Variants in KLHL6 observed in about 807,000 individuals in gnomAD.
KLHL6 encodes the protein kelch like family member 6.
In KLHL6, 41 loss-of-function variants were observed where a neutral mutation model predicts 58.6. The observed-to-expected ratio is 0.70, with a 90% CI of 0.55 to 0.91. KLHL6 has a LOEUF of 0.91. KLHL6 is among the 40% of genes least tolerant of loss of function. The pLI is 0.00. For synonymous variants in KLHL6, 338 were observed against 322.7 expected (o/e 1.05, Z -0.51); for missense variants, 714 against 805.6 (o/e 0.89, Z 1.38).
At chr3:183,545,794 G>A (rs1339496721) in intron 1 of KLHL6, among the ~76,000 whole-genome samples, 2 of 152,182 alleles carry the variant, frequency 1.3e-5, no homozygotes, top group Non-Finnish European at 2.9e-5. Flanking sequence ...AATATTCTGA[G>A]GCATTTTGGA....
chr3:183,499,461 T>G lies in KLHL6; in HGVS notation c.1147+129A>C. The G allele has an allele frequency of 1.5e-6, 1 of 658,258 alleles. No homozygotes were observed. Among genetic ancestry groups the G allele is most frequent in the East Asian group, 2.7e-5 (1 of 36,768 alleles). The allele number at this position is 658,258 out of a possible 1,614,324, so 40.8% of individuals were successfully genotyped here. A position where few individuals can be genotyped will look rare whatever the true frequency, so the allele number is the denominator to read the frequency against. ...GACCACCTGAGCTCCTGGGTCCATA[T>G]CCTGTCTCAGTCAGAGCCGGATCAT... On this transcript the variant is annotated intron_variant, in intron 4 of 6. Transcript: ENST00000341319. This position sits in a 1 kb window ranked among gnomAD's most constrained non-coding sequence, Gnocchi z 4.6.
intron 1 of KLHL6, among the ~76,000 whole-genome samples, chr3:183,529,285 T>C (rs1370746697): frequency 6.6e-6 from 1 of 151,902 alleles, no homozygotes; most frequent in African/African-American, 2.4e-5. Flanking sequence ...TAAATACCCC[T>C]GAACTTAAAA....
intron 1 of KLHL6, among the ~76,000 whole-genome samples, chr3:183,553,721 C>A (rs1713011975): frequency 6.6e-6 from 1 of 152,164 alleles, no homozygotes; most frequent in African/African-American, 2.4e-5. Flanking sequence ...CAGAACATAC[C>A]CAGTCCCTGC....
intron 4 of KLHL6, among the ~76,000 whole-genome samples, chr3:183,496,912 C>A (rs1272624791): frequency 6.6e-6 from 1 of 152,068 alleles, no homozygotes; most frequent in South Asian, 2.1e-4. Flanking sequence ...CTGAGGTGGG[C>A]GGATCACCTG....
chr3:183,542,855 CATGGATGGATGGATGG>C lies in KLHL6; in HGVS notation c.293+12490_293+12505del, dbSNP rs10581731. On this transcript the variant is annotated intron_variant, in intron 1 of 6. Coordinates refer to ENST00000341319, the MANE Select transcript of KLHL6 (RefSeq NM_130446.4). The stretch of plus-strand genomic sequence containing the variant: ...TAAATTTGTGTCAAATGGATGGATA[CATGGATGGATGGATGG>C]ATGGATGGATGGATGGATGGATGGA... Among the ~76,000 whole-genome samples the C allele has an allele frequency of 0.013, 1,892 of 143,148 alleles. 110 individuals are homozygous for C. In the East Asian group the frequency reaches 0.19, roughly 14 times the overall value. The allele number at this position is 143,148 out of a possible 152,430, so 93.9% of individuals were successfully genotyped here. A position where few individuals can be genotyped will look rare whatever the true frequency, so the allele number is the denominator to read the frequency against.
chr3:183,524,903 C>T (rs1326098072), intron 2 of KLHL6, among the ~76,000 whole-genome samples: 4 of 152,208 alleles, frequency 2.6e-5, no homozygotes, highest in Non-Finnish European at 4.4e-5. Context: ...CTACCTATAA[C>T]CCTGAGTTAA....
intron 1 of KLHL6, among the ~76,000 whole-genome samples, chr3:183,554,824 T>G (rs1357690521): frequency 1.3e-5 from 2 of 152,236 alleles, no homozygotes; most frequent in Non-Finnish European, 2.9e-5. Context: ...AGCATTGCTT[T>G]TAAATGATGC....
chr3:183,492,837 A>G lies in KLHL6; in HGVS notation c.1351-130T>C. 1 of 761,134 alleles carries G rather than the reference A, an allele frequency of 1.3e-6. No homozygotes were observed. The highest frequency in any genetic ancestry group is 1.8e-5 in the South Asian group (1 of 56,556). 47.1% of individuals were successfully genotyped at this position (761,134 alleles called of 1,614,324 possible). On this transcript the variant is annotated intron_variant, in intron 5 of 6. Coordinates refer to ENST00000341319, the MANE Select transcript of KLHL6 (RefSeq NM_130446.4). This position sits in a 1 kb window ranked among gnomAD's most constrained non-coding sequence, Gnocchi z 5.9. ...TCTTTTGCCTATAGTCACAAGGCCC[A>G]TGGGCTTGACTCCTCTTAAGACACA...
chr3:183,524,885 AC>A (rs899433399), intron 2 of KLHL6, among the ~76,000 whole-genome samples: 7 of 152,210 alleles, frequency 4.6e-5, no homozygotes, highest in African/African-American at 1.4e-4. Flanking sequence ...TCACTGGCAC[AC>A]TTTTCTCTAC....
Position 183,514,757 on chromosome 3 carries a change from C to T in KLHL6, c.460-6249G>A, listed in dbSNP as rs923946470. ...GATCTCGGCTCATTGCATCTTCTGCCTCCCAGGTTCAAGTGATTCTCCTGC... is the reference window on the plus strand; with the variant it reads ...GATCTCGGCTCATTGCATCTTCTGCTTCCCAGGTTCAAGTGATTCTCCTGC... On this transcript the variant is annotated intron_variant, in intron 2 of 6. Coordinates refer to ENST00000341319, the MANE Select transcript of KLHL6 (RefSeq NM_130446.4). 3.9e-5 allele frequency among the ~76,000 whole-genome samples: 6 copies of T among 152,074 alleles called. No individual in the cohort carries two copies. The South Asian group carries it at 1.2e-3, about 32-fold the overall frequency.
chr3:183,493,544 G>A (rs1482384463), intron 5 of KLHL6: 2 of 154,742 alleles, frequency 1.3e-5, no homozygotes, highest in South Asian at 2.0e-4. Context: ...GAGATGAGGT[G>A]GCTTTTCTTT....
rs1717817182 is a variant in KLHL6, at chr3:183,499,695, G to A, written c.1042C>T (p.Leu348=). 2 of 1,610,868 alleles carry A rather than the reference G, an allele frequency of 1.2e-6. No homozygotes were observed. The highest frequency in any genetic ancestry group is 1.7e-5 in the Admixed American group (1 of 59,282). The change falls in exon 4 of 7, where the codon CTG becomes TTG. Residue 348 remains leucine, a synonymous_variant. Coordinates refer to ENST00000341319, the MANE Select transcript of KLHL6 (RefSeq NM_130446.4). This position sits in a 1 kb window ranked among gnomAD's most constrained non-coding sequence, Gnocchi z 4.6. Reference sequence around the variant, plus strand: ...GTTAGCGGGAGCTTGGCCACCTCCAGGCGGCTGCGCCTCAGGGGGTCCAGG... The same window carrying A: ...GTTAGCGGGAGCTTGGCCACCTCCAAGCGGCTGCGCCTCAGGGGGTCCAGG... ...TCLDPLRRSR[L]EVAKLPLTEH...
chr3:183,511,698 A>C (rs1718190834), intron 2 of KLHL6, among the ~76,000 whole-genome samples: 1 of 152,172 alleles, frequency 6.6e-6, no homozygotes, highest in South Asian at 2.1e-4. Context: ...ACTGCCTGTA[A>C]ACATTTTGTT....
At chr3:183,523,312 C>T (rs578059548) in intron 2 of KLHL6, among the ~76,000 whole-genome samples, 59 of 152,338 alleles carry the variant, frequency 3.9e-4, no homozygotes, top group African/African-American at 1.4e-3. Context: ...TAGCCTCATG[C>T]GCATTCATCC....
chr3:183,536,490 G>T (rs1712371229), intron 1 of KLHL6, among the ~76,000 whole-genome samples: 1 of 152,222 alleles, frequency 6.6e-6, no homozygotes, highest in South Asian at 2.1e-4. Context: ...CTGGCTGTTG[G>T]CAGGCAGAGG....
intron 1 of KLHL6, among the ~76,000 whole-genome samples, chr3:183,547,118 G>A (rs996329872): frequency 6.6e-6 from 1 of 152,060 alleles, no homozygotes; most frequent in Non-Finnish European, 1.5e-5. Context: ...TCACCATGTT[G>A]GCCAGGCTGG....
rs752403740 is a variant in KLHL6, at chr3:183,499,726, C to A, written c.1011G>T (p.Val337=). The part of the protein sequence containing the change: ...CTKDERFVAE[V]TCLDPLRRSR... ...TGCGCCTCAGGGGGTCCAGGCAGGT[C>A]ACCTCTGCCACAAACCGTTCATCCT... Residue 337 remains valine (V), a synonymous_variant, in exon 4 of 7, where the codon GTG becomes GTT. Transcript: ENST00000341319. The surrounding 1 kb of genome is among the most constrained non-coding windows in gnomAD (Gnocchi z 4.6). The A allele has an allele frequency of 1.1e-5, 17 of 1,611,154 alleles. No homozygotes were observed. Among genetic ancestry groups the A allele is most frequent in the Non-Finnish European group, 1.4e-5 (17 of 1,178,946 alleles).
At chr3:183,509,664 A>G (rs1718122454) in intron 2 of KLHL6, among the ~76,000 whole-genome samples, 1 of 152,174 alleles carries the variant, frequency 6.6e-6, no homozygotes, top group Non-Finnish European at 1.5e-5. Flanking sequence ...CCCATGACAG[A>G]AGGGGAAAAA....
chr3:183,536,662 G>A (rs560293603), intron 1 of KLHL6, among the ~76,000 whole-genome samples: 4 of 152,312 alleles, frequency 2.6e-5, no homozygotes, highest in Non-Finnish European at 5.9e-5. Context: ...GCGTTAGCAC[G>A]ATACCTGGCA....
Sources: allele counts gnomAD v4.1 joint callset (sites outside exome capture counted in the v4.1 genomes callset), GRCh38; gene constraint gnomAD v4.1.1; non-coding constraint Gnocchi (gnomAD v3.1); transcripts MANE v1.5; gene names NCBI Gene and HGNC (gene_info 2026-07-23, HGNC 2026-07-21).